The following EFNA5 variants were observed in gnomAD, a reference collection of about 807,000 sequenced individuals.
EFNA5 encodes the protein ephrin-A5.
In EFNA5, 5 loss-of-function variants were observed where a neutral mutation model predicts 22.9. The observed-to-expected ratio is 0.22, with a 90% CI of 0.11 to 0.46. The LOEUF is 0.46. Ranked by LOEUF, EFNA5 falls within the 20% of genes least tolerant of loss-of-function variation. The pLI is 0.99. For synonymous variants in EFNA5, 113 were observed against 112.2 expected, an observed-to-expected ratio of 1.01 and a Z score of -0.04; for missense variants, 237 against 293.3, an observed-to-expected ratio of 0.81 and a Z score of 1.40.
intron 1 of EFNA5, among the ~76,000 whole-genome samples, chr5:107,603,518 C>T (rs1318693689): frequency 6.6e-6 from 1 of 152,184 alleles, no homozygotes; most frequent in Non-Finnish European, 1.5e-5. Flanking sequence ...GGAAAGGTTC[C>T]ATTTTAGTCA....
intron 2 of EFNA5, among the ~76,000 whole-genome samples, chr5:107,421,458 C>G (rs972139030): frequency 2.6e-5 from 4 of 152,084 alleles, no homozygotes; most frequent in African/African-American, 9.7e-5. Context: ...GGTGAATATT[C>G]AGGACATTTA....
At chr5:107,496,532 G>A (rs1399774324) in intron 1 of EFNA5, among the ~76,000 whole-genome samples, 3 of 143,346 alleles carry the variant, frequency 2.1e-5, no homozygotes, top group African/African-American at 5.0e-5. Context: ...TTATCACAAC[G>A]CTACCTACAT....
chr5:107,457,086 C>A (rs1276916894), intron 1 of EFNA5, among the ~76,000 whole-genome samples: 1 of 152,124 alleles, frequency 6.6e-6, no homozygotes, highest in Non-Finnish European at 1.5e-5. Context: ...GTCAACCTAC[C>A]AATGAACAGC....
chr5:107,414,339 C>G (rs1192929622), intron 2 of EFNA5, among the ~76,000 whole-genome samples: 1 of 152,172 alleles, frequency 6.6e-6, no homozygotes, highest in Admixed American at 6.5e-5. Flanking sequence ...ATAGTCGTCT[C>G]TCTCTCTTTT....
intron 1 of EFNA5, among the ~76,000 whole-genome samples, chr5:107,603,415 C>G (rs1749646993): frequency 6.6e-6 from 1 of 152,156 alleles, no homozygotes; most frequent in Admixed American, 6.5e-5. Flanking sequence ...AAATCACTGT[C>G]TCTGATACAT....
intron 1 of EFNA5, among the ~76,000 whole-genome samples, chr5:107,515,362 T>TTTATTATTATTATTA (rs70996961): frequency 2.7e-4 from 38 of 141,312 alleles, no homozygotes; most frequent in East Asian, 1.0e-3. Context: ...TATTTTTTAT[T>TTTATTATTATTATTA]TTATTATTAT....
In EFNA5 at chr5:107,662,761, G is replaced by C. The variant is rs1750988904; in HGVS notation, c.125+7728C>G. Among the ~76,000 whole-genome samples the C allele has an allele frequency of 3.5e-5, 5 of 144,616 alleles. No individual in the cohort carries two copies. The South Asian group carries it at 1.1e-3, about 32-fold the overall frequency. 94.9% of individuals were successfully genotyped at this position (144,616 alleles called of 152,430 possible). A position where few individuals can be genotyped will look rare whatever the true frequency, so the allele number is the denominator to read the frequency against. The stretch of plus-strand genomic sequence containing the variant: ...ATACTCTTATCAGTACCTTTTGCGG[G>C]AGAAAGATTCCGGGTAGACTTGAGT... On this transcript the variant is annotated intron_variant, in intron 1 of 4. Transcript: ENST00000333274.
At chr5:107,664,083 G>C (rs1751021688) in intron 1 of EFNA5, among the ~76,000 whole-genome samples, 2 of 152,158 alleles carry the variant, frequency 1.3e-5, no homozygotes. Context: ...GAACTATATG[G>C]TTTACTGTTT....
At position 107,379,637 on chromosome 5, in the gene EFNA5, GC is replaced by G. The variant is rs1561360389; in HGVS notation, c.*1617del. ...GCTTTGGATTTTAAAGTTCATGACA[GC>G]CCCACCACCAGTAGAAACCCCAAGG... On this transcript the variant is annotated 3_prime_UTR_variant, in exon 5 of 5. Transcript: ENST00000333274. 6.7e-6 allele frequency: 1 copy of G among 149,254 alleles called. No individual in the cohort carries two copies. The highest frequency in any genetic ancestry group is 1.5e-5 in the Non-Finnish European group (1 of 67,662). 9.2% of individuals were successfully genotyped at this position (149,254 alleles called of 1,614,324 possible). A position where few individuals can be genotyped will look rare whatever the true frequency, so the allele number is the denominator to read the frequency against.
intron 1 of EFNA5, among the ~76,000 whole-genome samples, chr5:107,575,779 A>C (rs527695786): frequency 6.6e-6 from 1 of 152,342 alleles, no homozygotes; most frequent in African/African-American, 2.4e-5. Flanking sequence ...GAAAGAGATT[A>C]TAAAGAAAAA....
intron 1 of EFNA5, among the ~76,000 whole-genome samples, chr5:107,606,880 C>T (rs186851877): frequency 2.0e-5 from 3 of 152,238 alleles, no homozygotes; most frequent in Admixed American, 1.3e-4. Flanking sequence ...CCAGGAACAG[C>T]GCCCTAATTT....
intron 1 of EFNA5, among the ~76,000 whole-genome samples, chr5:107,660,261 CATATATATATAT>C (rs56838945): frequency 0.026 from 1,373 of 52,302 alleles, 39 homozygotes; most frequent in African/African-American, 0.052. Context: ...ATGGCAAAAA[CATATATATATAT>C]ATATATATAT....
intron 1 of EFNA5, among the ~76,000 whole-genome samples, chr5:107,607,863 C>T (rs1749755152): frequency 6.6e-6 from 1 of 152,152 alleles, no homozygotes; most frequent in African/African-American, 2.4e-5. Flanking sequence ...AAACCTATTA[C>T]ATCCTTCAGC....
chr5:107,464,703 A>G (rs774590478), intron 1 of EFNA5, among the ~76,000 whole-genome samples: 4 of 152,194 alleles, frequency 2.6e-5, no homozygotes, highest in Non-Finnish European at 5.9e-5. Context: ...GCAAGAGGGG[A>G]GTTGCCCATA....
chr5:107,508,682 A>G (rs1333671022), intron 1 of EFNA5, among the ~76,000 whole-genome samples: 4 of 152,238 alleles, frequency 2.6e-5, no homozygotes, highest in Non-Finnish European at 2.9e-5. Flanking sequence ...AACTAAGTGT[A>G]AGTCAAGCTT....
intron 1 of EFNA5, among the ~76,000 whole-genome samples, chr5:107,549,791 C>T (rs1748245186): frequency 6.6e-6 from 1 of 152,222 alleles, no homozygotes; most frequent in Non-Finnish European, 1.5e-5. Context: ...GCATTGCTGC[C>T]CTGAGTTCTG....
At chr5:107,431,882 C>G (rs533876756) in intron 1 of EFNA5, among the ~76,000 whole-genome samples, 2 of 152,124 alleles carry the variant, frequency 1.3e-5, no homozygotes, top group African/African-American at 2.4e-5. Flanking sequence ...ACCAATGAGT[C>G]GAGGACATTC....
intron 1 of EFNA5, among the ~76,000 whole-genome samples, chr5:107,494,675 C>G (rs546952586): frequency 2.0e-5 from 3 of 152,342 alleles, no homozygotes; most frequent in South Asian, 2.1e-4. Context: ...CTGGTGGGGA[C>G]GTGGAGAACC....
chr5:107,614,678 T>C (rs2112523405), intron 1 of EFNA5, among the ~76,000 whole-genome samples: 1 of 152,270 alleles, frequency 6.6e-6, no homozygotes, highest in South Asian at 2.1e-4. Context: ...TGCCAAGATT[T>C]TCACATGAAT....
Sources: gnomAD v4.1 joint callset for allele counts (sites outside exome capture counted in the v4.1 genomes callset) on GRCh38, gnomAD v4.1.1 for gene constraint, MANE v1.5 for transcripts, NCBI Gene and HGNC (gene_info 2026-07-23, HGNC 2026-07-21) for gene names.